The following MCTP2 variants were observed in gnomAD, a reference collection of about 807,000 sequenced individuals.
The protein encoded by MCTP2 is multiple C2 and transmembrane domain-containing protein 2.
In MCTP2, 132 loss-of-function variants were observed where a neutral mutation model predicts 111.6. The ratio of observed to expected loss-of-function variants is 1.18; its 90% CI spans 1.03 to 1.37. The LOEUF is 1.37. Among genes scored for constraint, MCTP2 ranks in the 40% most tolerant of loss-of-function variants. MCTP2 has a pLI of 0.00. For synonymous variants in MCTP2, 395 were observed against 387.7 expected (o/e 1.02, Z -0.22); for missense variants, 1,183 against 1,067.9 (o/e 1.11, Z -1.50).
At position 94,308,325 on chromosome 15, in the gene MCTP2, G is replaced by T. The variant is rs143520053; in HGVS notation, c.466-5957G>T. On this transcript the variant is annotated intron_variant, in intron 2 of 22. Coordinates refer to ENST00000357742, the MANE Select transcript of MCTP2 (RefSeq NM_001385001.1). Reference sequence around the variant, plus strand: ...GCCTTGTTCACTACCATGTACAGCTGCTTCCTGGTCAGGCGAGGTGTGCTG... The same window carrying T: ...GCCTTGTTCACTACCATGTACAGCTTCTTCCTGGTCAGGCGAGGTGTGCTG... 9.5e-3 allele frequency among the ~76,000 whole-genome samples: 1,447 copies of T among 152,310 alleles called. 32 individuals are homozygous for T. Among genetic ancestry groups the T allele is most frequent in the African/African-American group, 0.033 (1,359 of 41,552 alleles).
At chr15:94,451,900 G>C (rs1460506609) in intron 19 of MCTP2, among the ~76,000 whole-genome samples, 1 of 152,152 alleles carries the variant, frequency 6.6e-6, no homozygotes, top group Non-Finnish European at 1.5e-5. Flanking sequence ...TTGCCTTCTT[G>C]AAGGGAAGGA....
At position 94,370,169 on chromosome 15, in the gene MCTP2, C is replaced by G. The variant is rs2079408854; in HGVS notation, c.1571C>G (p.Ala524Gly). Residue 524 changes from alanine (A) to glycine (G), a missense_variant, in exon 12 of 23, where the codon GCA (alanine) becomes GGA (glycine). Coordinates refer to ENST00000357742, the MANE Select transcript of MCTP2 (RefSeq NM_001385001.1). ...KVLKAADLLA[A>G]DFSGKSDPFC... ...TTAAAGGCAGCAGATCTCTTAGCGG[C>G]AGATTTCTCAGGTACAGGACATTTT... The G allele has an allele frequency of 6.2e-7, 1 of 1,610,614 alleles. No individual in the cohort carries two copies. Among genetic ancestry groups the G allele is most frequent in the Non-Finnish European group, 8.5e-7 (1 of 1,178,324 alleles).
chr15:94,422,287 G>A (rs1209728544), intron 17 of MCTP2, among the ~76,000 whole-genome samples: 1 of 152,136 alleles, frequency 6.6e-6, no homozygotes, highest in Non-Finnish European at 1.5e-5. Context: ...AAAGGGAAAG[G>A]AGAATAGAGA....
chr15:94,390,046 A>T (rs2080781922), intron 14 of MCTP2, among the ~76,000 whole-genome samples: 1 of 66,318 alleles, frequency 1.5e-5, no homozygotes, highest in Admixed American at 1.9e-4. Context: ...TGAATGTTCA[A>T]GGCATATATA....
At chr15:94,450,667 A>G (rs2084389490) in intron 19 of MCTP2, among the ~76,000 whole-genome samples, 1 of 152,204 alleles carries the variant, frequency 6.6e-6, no homozygotes, top group African/African-American at 2.4e-5. Context: ...TTGCATCTTT[A>G]GTCTAGATGA....
intron 17 of MCTP2, among the ~76,000 whole-genome samples, chr15:94,409,810 C>A (rs1474036831): frequency 6.6e-6 from 1 of 151,740 alleles, no homozygotes; most frequent in Non-Finnish European, 1.5e-5. Context: ...AATGAATTTT[C>A]ATACTGAGCA....
At chr15:94,430,489 T>C (rs1202699202) in intron 17 of MCTP2, among the ~76,000 whole-genome samples, 1 of 133,964 alleles carries the variant, frequency 7.5e-6, no homozygotes, top group Admixed American at 7.8e-5. Context: ...CCTAGCACAT[T>C]GGGAGGGTGA....
intron 9 of MCTP2, among the ~76,000 whole-genome samples, chr15:94,357,597 G>A (rs927817460): frequency 6.7e-6 from 1 of 149,580 alleles, no homozygotes; most frequent in Non-Finnish European, 1.5e-5. Flanking sequence ...TAAATTCTGT[G>A]ATCCAATATA....
At chr15:94,447,373 T>TTGTG (rs148584250) in intron 19 of MCTP2, among the ~76,000 whole-genome samples, 5 of 151,214 alleles carry the variant, frequency 3.3e-5, no homozygotes, top group South Asian at 4.2e-4. Context: ...TATAATTCAT[T>TTGTG]TGTGTGTGTG....
chr15:94,408,225 T>A (rs1057150171), intron 17 of MCTP2, among the ~76,000 whole-genome samples: 3 of 152,182 alleles, frequency 2.0e-5, no homozygotes, highest in African/African-American at 7.2e-5. Flanking sequence ...TTGCTAGGTG[T>A]GTGTGCAGTT....
intron 8 of MCTP2, among the ~76,000 whole-genome samples, chr15:94,349,643 A>G (rs995259422): frequency 6.6e-6 from 1 of 151,616 alleles, no homozygotes; most frequent in Admixed American, 6.6e-5. Flanking sequence ...ACATGGTGAA[A>G]CCCCGTCTCT....
At chr15:94,383,962 T>C (rs2152455348) in intron 12 of MCTP2, 60 bp from the exon 13 acceptor site, 1 of 1,215,306 alleles carries the variant, frequency 8.2e-7, no homozygotes, top group Non-Finnish European at 1.2e-6. Flanking sequence ...CTTGTTCACA[T>C]TGCCCTTGTC....
chr15:94,298,584 C>G lies in MCTP2; in HGVS notation c.319C>G (p.Gln107Glu). ...KQSEEELDWS[Q>E]EEASHLHVVE... ...GTCTGAAGAAGAATTGGATTGGAGC[C>G]AGGAAGAAGCCAGTCACCTCCATGT... is the stretch of plus-strand genomic sequence containing the variant. Residue 107 changes from glutamine to glutamate, a missense_variant, in exon 2 of 23, where the codon CAG (glutamine) becomes GAG (glutamate). Transcript: ENST00000357742. 1 of 1,614,112 alleles carries G rather than the reference C, an allele frequency of 6.2e-7. No homozygotes were observed.
At chr15:94,452,377 G>A (rs2084518393) in intron 19 of MCTP2, among the ~76,000 whole-genome samples, 2 of 152,288 alleles carry the variant, frequency 1.3e-5, no homozygotes, top group African/African-American at 4.8e-5. Flanking sequence ...AAAGACCGTA[G>A]TCAGCATAGA....
chr15:94,402,862 G>A, intron 17 of MCTP2: 2 of 1,189,962 alleles, frequency 1.7e-6, no homozygotes, highest in Non-Finnish European at 2.1e-6. Context: ...GTCTAAGAGT[G>A]TGAATATCAG....
At chr15:94,348,223 A>G (rs1238264286) in intron 8 of MCTP2, among the ~76,000 whole-genome samples, 1 of 151,492 alleles carries the variant, frequency 6.6e-6, no homozygotes, top group African/African-American at 2.4e-5. Context: ...GTTATTGCAA[A>G]GGCTGACCTC....
intron 20 of MCTP2, among the ~76,000 whole-genome samples, chr15:94,463,561 C>T (rs765355842): frequency 4.3e-4 from 66 of 152,088 alleles, no homozygotes; most frequent in Non-Finnish European, 8.2e-4. Flanking sequence ...CTTTCCAGCC[C>T]TTACACATTT....
chr15:94,375,708 C>T (rs894795508), intron 12 of MCTP2, among the ~76,000 whole-genome samples: 9 of 152,046 alleles, frequency 5.9e-5, no homozygotes, highest in African/African-American at 1.9e-4. Context: ...GAAATAACTC[C>T]CAAATTAGCA....
chr15:94,236,404 T>TTTTC (rs2070566977), intron 1 of MCTP2, among the ~76,000 whole-genome samples: 1 of 128,422 alleles, frequency 7.8e-6, no homozygotes, highest in African/African-American at 3.0e-5. Context: ...TTTTTTTTTT[T>TTTTC]TACGAAATAG....
Sources: gnomAD v4.1 joint callset for allele counts (sites outside exome capture counted in the v4.1 genomes callset) on GRCh38, gnomAD v4.1.1 for gene constraint, MANE v1.5 for transcripts, NCBI Gene and HGNC (gene_info 2026-07-23, HGNC 2026-07-21) for gene names.